The following HS3ST5 variants were observed in gnomAD, a reference collection of about 807,000 sequenced individuals.
The protein encoded by HS3ST5 is heparan sulfate glucosamine 3-O-sulfotransferase 5.
A neutral mutation model predicts 25.4 loss-of-function variants in HS3ST5; 10 were observed. The observed-to-expected ratio is 0.39, with a 90% CI of 0.24 to 0.67. The LOEUF is 0.67. Ranked by LOEUF, HS3ST5 falls within the 30% of genes least tolerant of loss-of-function variation. The pLI is 0.44. For missense variants in HS3ST5, 324 were observed against 420.7 expected, an observed-to-expected ratio of 0.77 and a Z score of 2.01; for synonymous variants, 170 against 162.4, an observed-to-expected ratio of 1.05 and a Z score of -0.36.
intron 2 of HS3ST5, among the ~76,000 whole-genome samples, chr6:114,227,797 A>G (rs1392412652): frequency 6.6e-6 from 1 of 151,976 alleles, no homozygotes; most frequent in Non-Finnish European, 1.5e-5. Flanking sequence ...AATTTCTTAT[A>G]ATTAGATACA....
chr6:114,267,884 T>C (rs1007621399), intron 1 of HS3ST5, among the ~76,000 whole-genome samples: 1 of 152,172 alleles, frequency 6.6e-6, no homozygotes, highest in African/African-American at 2.4e-5. Context: ...AAACTTTTAT[T>C]ATTAACCTCC....
At chr6:114,255,365 T>C (rs1403158474) in intron 1 of HS3ST5, among the ~76,000 whole-genome samples, 2 of 152,178 alleles carry the variant, frequency 1.3e-5, no homozygotes, top group African/African-American at 4.8e-5. Flanking sequence ...CAGGCTGCTT[T>C]CATGGCCTGC....
chr6:114,244,130 AC>A (rs1772271753), intron 1 of HS3ST5, among the ~76,000 whole-genome samples: 1 of 152,216 alleles, frequency 6.6e-6, no homozygotes, highest in Admixed American at 6.5e-5. Flanking sequence ...GAAGGTTTTA[AC>A]AAACGTTTCT....
intron 2 of HS3ST5, among the ~76,000 whole-genome samples, chr6:114,206,512 A>C (rs1049965906): frequency 2.0e-5 from 3 of 152,178 alleles, no homozygotes; most frequent in Non-Finnish European, 2.9e-5. Flanking sequence ...TGGGATGCAG[A>C]AACCAGATAT....
At chr6:114,164,905 C>T (rs1220099287) in intron 3 of HS3ST5, among the ~76,000 whole-genome samples, 1 of 152,114 alleles carries the variant, frequency 6.6e-6, no homozygotes, top group East Asian at 1.9e-4. Flanking sequence ...CTTAATAACT[C>T]ATCAAATACA....
intron 1 of HS3ST5, among the ~76,000 whole-genome samples, chr6:114,306,256 T>TATATATATATATATAC (rs756494412): frequency 8.7e-6 from 1 of 115,420 alleles, no homozygotes; most frequent in Admixed American, 9.3e-5. Flanking sequence ...TATATATATA[T>TATATATATATATATAC]ACACACACAC....
At chr6:114,297,608 C>A (rs1774884202) in intron 1 of HS3ST5, among the ~76,000 whole-genome samples, 1 of 152,132 alleles carries the variant, frequency 6.6e-6, no homozygotes, top group Admixed American at 6.5e-5. Flanking sequence ...TCCTGTGGCT[C>A]TAAAATTGTA....
In HS3ST5 at chr6:114,302,122, A is replaced by T. The variant is rs578094079; in HGVS notation, c.-339+40073T>A. ...TATTCTTGCCAAACTGGCAGCCTAC[A>T]AACTCAATTTTTCAGTTTTGCAGGA... On this transcript the variant is annotated intron_variant, in intron 1 of 4. Transcript: ENST00000312719. Among the ~76,000 whole-genome samples the T allele has an allele frequency of 1.3e-3, 205 of 152,306 alleles. 8 individuals carry two copies. In the South Asian group the frequency reaches 0.041, roughly 30 times the overall value.
intron 3 of HS3ST5, among the ~76,000 whole-genome samples, chr6:114,093,354 TGTGTG>T (rs766970730): frequency 3.8e-4 from 1 of 2,636 alleles, no homozygotes; most frequent in African/African-American, 9.6e-4. Flanking sequence ...TTTGTTTGTT[TGTGTG>T]TGTGTGTGTG....
intron 3 of HS3ST5, among the ~76,000 whole-genome samples, chr6:114,149,534 G>C (rs536125812): frequency 2.6e-5 from 4 of 152,016 alleles, no homozygotes; most frequent in African/African-American, 9.7e-5. Flanking sequence ...TGAACAATGA[G>C]AACACATAGA....
At chr6:114,256,000 T>C (rs1349183022) in intron 1 of HS3ST5, among the ~76,000 whole-genome samples, 1 of 152,234 alleles carries the variant, frequency 6.6e-6, no homozygotes, top group Non-Finnish European at 1.5e-5. Flanking sequence ...AAATGGGTTT[T>C]TCTTTTCTAT....
intron 1 of HS3ST5, among the ~76,000 whole-genome samples, chr6:114,323,366 G>A (rs903409176): frequency 4.6e-5 from 7 of 152,006 alleles, no homozygotes; most frequent in African/African-American, 1.7e-4. Flanking sequence ...TTATGTGTTG[G>A]GGGTGATACA....
At chr6:114,093,725 C>G (rs2782562) in intron 3 of HS3ST5, among the ~76,000 whole-genome samples, 129,389 of 151,970 alleles carry the variant, frequency 0.85, 55,421 homozygotes, top group Non-Finnish European at 0.9. Context: ...CAAGCTGGAA[C>G]TAAAATCTGA....
At chr6:114,262,389 T>C (rs1245687951) in intron 1 of HS3ST5, among the ~76,000 whole-genome samples, 5 of 151,950 alleles carry the variant, frequency 3.3e-5, no homozygotes, top group Admixed American at 6.6e-5. Flanking sequence ...CTACTAAAAA[T>C]ACAAAAAATT....
At chr6:114,246,994 A>G (rs77914875) in intron 1 of HS3ST5, among the ~76,000 whole-genome samples, 2,308 of 152,344 alleles carry the variant, frequency 0.015, 25 homozygotes, top group Non-Finnish European at 0.024. Flanking sequence ...TGAAAAGAAG[A>G]GATTAAACAA....
At chr6:114,255,404 T>G in intron 1 of HS3ST5, among the ~76,000 whole-genome samples, 1 of 152,174 alleles carries the variant, frequency 6.6e-6, no homozygotes, top group East Asian at 1.9e-4. Context: ...GCTGAGTGTC[T>G]GCGGCTTTTC....
At chr6:114,262,658 AT>A (rs143921196) in intron 1 of HS3ST5, among the ~76,000 whole-genome samples, 8,852 of 152,194 alleles carry the variant, frequency 0.058, 320 homozygotes, top group Middle Eastern at 0.12. Context: ...AAATATATTT[AT>A]TTTTTTCATA....
At chr6:114,320,908 C>A (rs1003221212) in intron 1 of HS3ST5, among the ~76,000 whole-genome samples, 7 of 100,994 alleles carry the variant, frequency 6.9e-5, no homozygotes, top group Admixed American at 1.9e-4. Flanking sequence ...CTCTCTCTCT[C>A]TCTCTCTATA....
At chr6:114,169,983 A>G (rs1356386723) in intron 2 of HS3ST5, among the ~76,000 whole-genome samples, 2 of 152,190 alleles carry the variant, frequency 1.3e-5, no homozygotes, top group African/African-American at 4.8e-5. Flanking sequence ...ACAGGAAAGC[A>G]ACAGATAAGG....
Sources: gnomAD v4.1 joint callset for allele counts (sites outside exome capture counted in the v4.1 genomes callset) on GRCh38, gnomAD v4.1.1 for gene constraint, MANE v1.5 for transcripts, NCBI Gene and HGNC (gene_info 2026-07-23, HGNC 2026-07-21) for gene names.